ACTR3C: variants seen among roughly 807,000 people sequenced by gnomAD.
ACTR3C encodes actin related protein 3C.
Under a neutral mutation model 26.3 loss-of-function variants are expected in ACTR3C, and 18 were observed. That is an observed-to-expected ratio of 0.68 (90% CI 0.47 to 1.01). ACTR3C has a LOEUF of 1.01. Among genes scored for constraint, ACTR3C ranks in the 50% least tolerant of loss-of-function variants. The probability of loss-of-function intolerance (pLI) is 0.00; values close to 1 mark genes in which losing one functional copy is unlikely to be tolerated. For missense variants in ACTR3C, 184 were observed against 250.7 expected, an observed-to-expected ratio of 0.73 and a Z score of 1.80; for synonymous variants, 55 against 94.5, an observed-to-expected ratio of 0.58 and a Z score of 2.42.
the ACTR3C span, among the ~76,000 whole-genome samples, chr7:150,023,995 A>C: frequency 6.7e-6 from 1 of 149,266 alleles, no homozygotes; most frequent in Non-Finnish European, 1.5e-5. Context: ...TTAGAGGAGA[A>C]GGCAGACCAG....
At chr7:150,177,190 T>A in the ACTR3C span, among the ~76,000 whole-genome samples, 4 of 150,790 alleles carry the variant, frequency 2.7e-5, no homozygotes, top group African/African-American at 7.5e-5. Flanking sequence ...GTTACTGAAA[T>A]TATTCATTTT....
chr7:149,998,152 C>T, the ACTR3C span, among the ~76,000 whole-genome samples: 1 of 150,902 alleles, frequency 6.6e-6, no homozygotes, highest in African/African-American at 2.4e-5. Context: ...AGATGGGGCA[C>T]ATCACCCTGT....
At chr7:149,907,381 C>T in the ACTR3C span, among the ~76,000 whole-genome samples, 3 of 147,446 alleles carry the variant, frequency 2.0e-5, no homozygotes, top group Non-Finnish European at 3.0e-5. Context: ...CAACTGTCCA[C>T]GGTGACCCAG....
chr7:150,211,328 G>A, the ACTR3C span, among the ~76,000 whole-genome samples: 1 of 149,724 alleles, frequency 6.7e-6, no homozygotes, highest in Admixed American at 6.6e-5. Flanking sequence ...TGTCACCCAG[G>A]CTGGAGTGCA....
At chr7:150,039,842 G>C in the ACTR3C span, among the ~76,000 whole-genome samples, 2 of 131,756 alleles carry the variant, frequency 1.5e-5, no homozygotes, top group African/African-American at 5.5e-5. Context: ...CCCAGCGATG[G>C]GGGTCCTAAG....
At chr7:150,042,667 A>T in the ACTR3C span, among the ~76,000 whole-genome samples, 1 of 151,854 alleles carries the variant, frequency 6.6e-6, no homozygotes, top group Non-Finnish European at 1.5e-5. Flanking sequence ...GGGGGCCTTT[A>T]TGTTCAGGTT....
the ACTR3C span, among the ~76,000 whole-genome samples, chr7:150,080,381 T>C: frequency 6.6e-6 from 1 of 150,848 alleles, no homozygotes; most frequent in African/African-American, 2.4e-5. Flanking sequence ...TCACAGCAAT[T>C]CCCCACAGAG....
At chr7:149,927,465 A>G in the ACTR3C span, among the ~76,000 whole-genome samples, 1 of 151,116 alleles carries the variant, frequency 6.6e-6, no homozygotes, top group East Asian at 1.9e-4. Flanking sequence ...GCAGTGGCTC[A>G]TGGCTGTAAT....
chr7:149,967,287 A>C, the ACTR3C span, among the ~76,000 whole-genome samples: 1 of 151,892 alleles, frequency 6.6e-6, no homozygotes, highest in Non-Finnish European at 1.5e-5. Flanking sequence ...CACCCGCCTC[A>C]GCCTCCCAAA....
intron 1 of ACTR3C, among the ~76,000 whole-genome samples, chr7:150,303,364 G>C (rs1472896196): frequency 3.9e-5 from 6 of 152,154 alleles, no homozygotes; most frequent in African/African-American, 7.2e-5. Context: ...CTAGAGTAGA[G>C]AGATTGTTAG....
chr7:150,308,554 C>A (rs527858782), intron 1 of ACTR3C, among the ~76,000 whole-genome samples: 1 of 152,180 alleles, frequency 6.6e-6, no homozygotes, highest in South Asian at 2.1e-4. Context: ...CCAAATCCTT[C>A]TTCTTTCTCT....
chr7:150,077,124 C>T, the ACTR3C span, among the ~76,000 whole-genome samples: 5 of 152,070 alleles, frequency 3.3e-5, no homozygotes, highest in Non-Finnish European at 7.4e-5. Flanking sequence ...GAGATCGTAC[C>T]ATTGCACTCC....
the ACTR3C span, among the ~76,000 whole-genome samples, chr7:150,199,538 C>T: frequency 8.5e-6 from 1 of 117,666 alleles, no homozygotes. Flanking sequence ...GCTGACCTTC[C>T]CTCCACTATT....
the ACTR3C span, among the ~76,000 whole-genome samples, chr7:150,230,605 T>G: frequency 0.023 from 3,559 of 152,190 alleles, 53 homozygotes; most frequent in South Asian, 0.039. Flanking sequence ...ATGCTCCTTA[T>G]AAGAACCTAA....
At chr7:149,920,410 T>C in the ACTR3C span, among the ~76,000 whole-genome samples, 42,159 of 146,172 alleles carry the variant, frequency 0.29, 7,611 homozygotes, top group East Asian at 0.45. Flanking sequence ...AGATTCACAC[T>C]ATCCTCCCAC....
At chr7:150,189,170 C>G in the ACTR3C span, among the ~76,000 whole-genome samples, 1 of 151,484 alleles carries the variant, frequency 6.6e-6, no homozygotes, top group African/African-American at 2.4e-5. Flanking sequence ...TATAAAGTAG[C>G]TTCAGAATTG....
At chr7:150,137,313 G>T in the ACTR3C span, among the ~76,000 whole-genome samples, 2 of 152,144 alleles carry the variant, frequency 1.3e-5, no homozygotes, top group African/African-American at 4.8e-5. Flanking sequence ...GTTTTCTCGG[G>T]TTTTTTACTT....
chr7:150,252,380 A>C (rs1832916610), intron 6 of ACTR3C, among the ~76,000 whole-genome samples: 1 of 152,170 alleles, frequency 6.6e-6, no homozygotes, highest in Non-Finnish European at 1.5e-5. Context: ...ATTGTAACTA[A>C]TAAGGGCTAC....
At chr7:150,082,295 C>A in the ACTR3C span, among the ~76,000 whole-genome samples, 1 of 152,128 alleles carries the variant, frequency 6.6e-6, no homozygotes, top group Non-Finnish European at 1.5e-5. Context: ...TCTCCGGTGT[C>A]CACTCTCATC....
Sources: gnomAD v4.1 joint callset for allele counts (sites outside exome capture counted in the v4.1 genomes callset) on GRCh38, gnomAD v4.1.1 for gene constraint, MANE v1.5 for transcripts, NCBI Gene and HGNC (gene_info 2026-07-23, HGNC 2026-07-21) for gene names.